The following AXDND1 variants were observed in gnomAD, a reference collection of about 807,000 sequenced individuals.
AXDND1 encodes the protein axonemal dynein light chain domain containing 1.
Under a neutral mutation model 137.5 loss-of-function variants are expected in AXDND1, and 110 were observed. The observed-to-expected ratio is 0.80, with a 90% CI of 0.69 to 0.94. AXDND1 has a LOEUF of 0.94. Among genes scored for constraint, AXDND1 ranks in the 40% least tolerant of loss-of-function variants. AXDND1 has a pLI of 0.00. For synonymous variants in AXDND1, 414 were observed against 399.7 expected (o/e 1.04, Z -0.43); for missense variants, 1,191 against 1,169.8 (o/e 1.02, Z -0.26).
rs1294051057 is a variant in AXDND1, at chr1:179,395,501, A to G, written c.1109+299A>G. 3.9e-5 allele frequency among the ~76,000 whole-genome samples: 6 copies of G among 152,196 alleles called. No homozygotes were observed. The East Asian group carries it at 9.6e-4, about 24-fold the overall frequency. ...TAAAGAAACAGTGAGCATAGATAAC[A>G]TAGATTCTGGAACCATACTGTTTGC... On this transcript the variant is annotated intron_variant, in intron 11 of 25. Transcript: ENST00000367618.
intron 15 of AXDND1, among the ~76,000 whole-genome samples, chr1:179,444,232 C>T (rs1659408442): frequency 1.3e-5 from 2 of 151,924 alleles, no homozygotes; most frequent in Non-Finnish European, 2.9e-5. Flanking sequence ...TCATGGCTGC[C>T]CTATGATGCA....
chr1:179,447,610 A>G (rs766895805), intron 16 of AXDND1: 1 of 1,201,888 alleles, frequency 8.3e-7, no homozygotes. Flanking sequence ...TGGAGGTGTC[A>G]TGCCCTTGCT....
chr1:179,424,826 C>T (rs1250442991), intron 12 of AXDND1, among the ~76,000 whole-genome samples: 3 of 152,158 alleles, frequency 2.0e-5, no homozygotes, highest in Non-Finnish European at 4.4e-5. Context: ...ATGCATTCTG[C>T]TGTTGAGAAC....
intron 15 of AXDND1, 49 bp downstream of exon 15, chr1:179,432,391 C>G (rs7550638): frequency 0.23 from 347,368 of 1,491,356 alleles, 41,644 homozygotes; most frequent in Non-Finnish European, 0.24. Flanking sequence ...TGATTGTAAA[C>G]TTGGCATTCC....
At chr1:179,421,249 G>A (rs1210436239) in intron 12 of AXDND1, among the ~76,000 whole-genome samples, 2 of 151,380 alleles carry the variant, frequency 1.3e-5, no homozygotes, top group South Asian at 2.1e-4. Context: ...GTCAGGTAGT[G>A]TGATGCCTCC....
At chr1:179,436,315 C>T (rs1398944617) in intron 15 of AXDND1, among the ~76,000 whole-genome samples, 1 of 152,110 alleles carries the variant, frequency 6.6e-6, no homozygotes, top group Non-Finnish European at 1.5e-5. Context: ...ACTAGAAATA[C>T]CATTTGACAG....
At chr1:179,513,682 C>T (rs1241777024) in intron 21 of AXDND1, among the ~76,000 whole-genome samples, 1 of 151,920 alleles carries the variant, frequency 6.6e-6, no homozygotes, top group Non-Finnish European at 1.5e-5. Context: ...GCTGTGAATC[C>T]TTCTGGTCCT....
At chr1:179,438,107 G>A (rs907783994) in intron 15 of AXDND1, among the ~76,000 whole-genome samples, 3 of 152,084 alleles carry the variant, frequency 2.0e-5, no homozygotes, top group Non-Finnish European at 2.9e-5. Context: ...AGCCAAGATC[G>A]TGCCACTGCA....
rs1670435449 is a variant in AXDND1 at position 179,525,406 on chromosome 1, GATAGGAAAC to G, written c.2570_2578del (p.Asp857_Leu860delinsVal). On this transcript the variant is annotated inframe_deletion, in exon 22 of 26. Transcript: ENST00000367618. ...AGAAGATGAAGAAGAAAGTAAGGAG[GATAGGAAAC>G]TTCAGGAGGAAAATAAAGAGAGAGC... 1 of 1,611,922 alleles carries G rather than the reference GATAGGAAAC, an allele frequency of 6.2e-7. No homozygotes were observed. Among genetic ancestry groups the G allele is most frequent in the Admixed American group, 1.7e-5 (1 of 59,836 alleles).
chr1:179,495,228 A>G (rs1174257625), intron 20 of AXDND1, among the ~76,000 whole-genome samples: 1 of 152,100 alleles, frequency 6.6e-6, no homozygotes, highest in Non-Finnish European at 1.5e-5. Flanking sequence ...CAATTTCCTC[A>G]AGAAACCTTG....
At chr1:179,380,133 C>G (rs1648006818) in intron 6 of AXDND1, among the ~76,000 whole-genome samples, 3 of 151,794 alleles carry the variant, frequency 2.0e-5, no homozygotes, top group Admixed American at 2.0e-4. Context: ...CCTGTAGTCC[C>G]AGCTGCTTGG....
chr1:179,398,500 T>TG (rs1651418122), intron 11 of AXDND1, among the ~76,000 whole-genome samples: 2 of 152,110 alleles, frequency 1.3e-5, no homozygotes, highest in African/African-American at 2.4e-5. Context: ...GGCAATGTTG[T>TG]GGGGGTGCAT....
At position 179,395,128 on chromosome 1, in the gene AXDND1, G is replaced by C; in HGVS notation, c.1035G>C (p.Val345=). ...TGTGTCTAGTTCGGGCACATGATGT[G>C]AAATTAACAAAGGAAACAGAAAAAG... The part of the protein sequence containing the change: ...RELCLVRAHD[V]KLTKETEKAH... Residue 345 remains valine (V), a synonymous_variant, in exon 11 of 26, where the codon GTG becomes GTC. Coordinates refer to ENST00000367618, the MANE Select transcript of AXDND1 (RefSeq NM_144696.6). 2 of 1,613,114 alleles carry C rather than the reference G, an allele frequency of 1.2e-6. No individual in the cohort carries two copies. Among genetic ancestry groups the C allele is most frequent in the Non-Finnish European group, 1.7e-6 (2 of 1,179,582 alleles).
intron 20 of AXDND1, among the ~76,000 whole-genome samples, chr1:179,505,891 T>G: frequency 6.6e-6 from 1 of 152,172 alleles, no homozygotes; most frequent in Non-Finnish European, 1.5e-5. Context: ...TCTGACCTCA[T>G]ACAGCGGGAG....
At chr1:179,539,245 G>A (rs1452105371) in intron 25 of AXDND1, among the ~76,000 whole-genome samples, 2 of 152,140 alleles carry the variant, frequency 1.3e-5, no homozygotes, top group African/African-American at 4.8e-5. Flanking sequence ...ATGCTAGCTG[G>A]TTATTTTGCC....
At chr1:179,517,450 CCT>C (rs1352624180) in intron 21 of AXDND1, among the ~76,000 whole-genome samples, 1 of 152,192 alleles carries the variant, frequency 6.6e-6, no homozygotes, top group Non-Finnish European at 1.5e-5. Flanking sequence ...CATGCCCTCC[CCT>C]GAGTTCTAGC....
intron 17 of AXDND1, among the ~76,000 whole-genome samples, chr1:179,468,952 G>A (rs928226146): frequency 6.7e-5 from 10 of 149,908 alleles, no homozygotes; most frequent in Admixed American, 2.7e-4. Flanking sequence ...TTTTTGAGGC[G>A]AAGTCTTGCT....
At chr1:179,540,330 T>G (rs903865517) in intron 25 of AXDND1, among the ~76,000 whole-genome samples, 2 of 152,188 alleles carry the variant, frequency 1.3e-5, no homozygotes, top group Admixed American at 6.5e-5. Context: ...TCTTTGTGGT[T>G]TTATCTACAT....
intron 20 of AXDND1, 84 bp downstream of exon 20, chr1:179,493,035 G>A: frequency 3.4e-6 from 3 of 877,560 alleles, no homozygotes; most frequent in South Asian, 3.5e-5. Flanking sequence ...TGTACAACAA[G>A]CTCACATATT....
Sources: allele counts gnomAD v4.1 joint callset (sites outside exome capture counted in the v4.1 genomes callset), GRCh38; gene constraint gnomAD v4.1.1; transcripts MANE v1.5; gene names NCBI Gene and HGNC (gene_info 2026-07-23, HGNC 2026-07-21).